Variants in HS3ST4 observed in about 807,000 individuals in gnomAD.
HS3ST4 encodes the protein heparan sulfate-glucosamine 3-sulfotransferase 4, also known as heparan sulfate glucosamine 3-O-sulfotransferase 4.
A neutral mutation model predicts 29.2 loss-of-function variants in HS3ST4; 17 were observed. The ratio of observed to expected loss-of-function variants is 0.58; its 90% CI spans 0.40 to 0.87. HS3ST4 has a LOEUF of 0.87. Among genes scored for constraint, HS3ST4 ranks in the 40% least tolerant of loss-of-function variants. The probability of loss-of-function intolerance (pLI) is 0.00; values close to 1 mark genes in which losing one functional copy is unlikely to be tolerated. For missense variants in HS3ST4, 627 were observed against 634.5 expected, an observed-to-expected ratio of 0.99 and a Z score of 0.13; for synonymous variants, 314 against 285.7, an observed-to-expected ratio of 1.10 and a Z score of -1.00.
chr16:25,720,358 G>A (rs1377049833), intron 1 of HS3ST4, among the ~76,000 whole-genome samples: 1 of 152,168 alleles, frequency 6.6e-6, no homozygotes, highest in Non-Finnish European at 1.5e-5. Context: ...TAGTAAGATG[G>A]GAGCCCTGGT....
chr16:26,088,810 C>T (rs892336268), intron 1 of HS3ST4, among the ~76,000 whole-genome samples: 1 of 152,154 alleles, frequency 6.6e-6, no homozygotes, highest in African/African-American at 2.4e-5. Context: ...TGAGGTCCTC[C>T]TGTGTTCTCT....
intron 1 of HS3ST4, among the ~76,000 whole-genome samples, chr16:25,808,724 G>A (rs569670816): frequency 1.7e-4 from 26 of 152,238 alleles, no homozygotes; most frequent in African/African-American, 6.3e-4. Flanking sequence ...TTACTGTGCT[G>A]CTGAGTCTTC....
intron 1 of HS3ST4, among the ~76,000 whole-genome samples, chr16:25,817,094 G>A (rs564671461): frequency 7.9e-5 from 12 of 152,356 alleles, no homozygotes; most frequent in Admixed American, 3.9e-4. Context: ...CAAAGCTGCA[G>A]TTTGAGTCTT....
intron 1 of HS3ST4, among the ~76,000 whole-genome samples, chr16:25,878,197 A>G (rs547746369): frequency 1.3e-5 from 2 of 152,166 alleles, no homozygotes; most frequent in Non-Finnish European, 2.9e-5. Flanking sequence ...TGTGATGAGG[A>G]CCAAATGAGA....
chr16:26,086,690 C>T (rs1036119333), intron 1 of HS3ST4, among the ~76,000 whole-genome samples: 1 of 152,202 alleles, frequency 6.6e-6, no homozygotes, highest in Non-Finnish European at 1.5e-5. Flanking sequence ...CAATGCCTAT[C>T]ACTTAATAGG....
chr16:25,848,766 G>A (rs1967490499), intron 1 of HS3ST4, among the ~76,000 whole-genome samples: 1 of 151,434 alleles, frequency 6.6e-6, no homozygotes, highest in African/African-American at 2.4e-5. Flanking sequence ...ATTTATTTCT[G>A]CTTTTATCTT....
intron 1 of HS3ST4, among the ~76,000 whole-genome samples, chr16:26,012,531 G>A (rs1264766434): frequency 6.6e-6 from 1 of 152,174 alleles, no homozygotes; most frequent in Non-Finnish European, 1.5e-5. Context: ...AAAATGTCCA[G>A]ATATATCAGC....
chr16:25,831,607 A>G (rs186156185), intron 1 of HS3ST4, among the ~76,000 whole-genome samples: 8 of 152,070 alleles, frequency 5.3e-5, no homozygotes, highest in African/African-American at 1.9e-4. Context: ...TAAAAATAAA[A>G]ATAAAGATAA....
intron 1 of HS3ST4, chr16:26,032,858 G>T: frequency 1.3e-6 from 2 of 1,551,914 alleles, no homozygotes; most frequent in Non-Finnish European, 1.7e-6. Context: ...GACGCGGGAT[G>T]CAGTGGCGCG....
intron 1 of HS3ST4, among the ~76,000 whole-genome samples, chr16:25,726,320 A>C (rs1966534380): frequency 6.6e-6 from 1 of 152,152 alleles, no homozygotes; most frequent in South Asian, 2.1e-4. Flanking sequence ...ACACACACAC[A>C]CGTACACACA....
At chr16:25,941,265 A>G (rs749874591) in intron 1 of HS3ST4, among the ~76,000 whole-genome samples, 14 of 152,240 alleles carry the variant, frequency 9.2e-5, no homozygotes, top group Non-Finnish European at 1.8e-4. Context: ...TCCCAGGTTC[A>G]AGCATTTATC....
At chr16:25,801,044 G>C (rs918688781) in intron 1 of HS3ST4, among the ~76,000 whole-genome samples, 4 of 152,110 alleles carry the variant, frequency 2.6e-5, no homozygotes, top group African/African-American at 7.2e-5. Flanking sequence ...AGATTGCTAG[G>C]TCCTATAATG....
chr16:25,863,120 A>T (rs1187302643), intron 1 of HS3ST4, among the ~76,000 whole-genome samples: 1 of 152,052 alleles, frequency 6.6e-6, no homozygotes, highest in Non-Finnish European at 1.5e-5. Flanking sequence ...TTTCTAATTG[A>T]TTTGCATATC....
chr16:25,929,061 C>T (rs1968438432), intron 1 of HS3ST4, among the ~76,000 whole-genome samples: 1 of 152,024 alleles, frequency 6.6e-6, no homozygotes, highest in Admixed American at 6.6e-5. Flanking sequence ...TGAAAGCAAC[C>T]CTGTTTGGCA....
intron 1 of HS3ST4, among the ~76,000 whole-genome samples, chr16:25,695,771 A>G (rs12149938): frequency 0.31 from 47,599 of 152,084 alleles, 7,877 homozygotes; most frequent in Non-Finnish European, 0.38. Context: ...TATTTGACTG[A>G]TTAGAGATCC....
intron 1 of HS3ST4, among the ~76,000 whole-genome samples, chr16:25,915,247 C>G (rs146144112): frequency 6.6e-6 from 1 of 152,092 alleles, no homozygotes. Context: ...AGACTCCGGG[C>G]GTGGGTTCCA....
chr16:26,109,179 A>C (rs996900400), intron 1 of HS3ST4, among the ~76,000 whole-genome samples: 54 of 152,220 alleles, frequency 3.5e-4, no homozygotes, highest in Admixed American at 3.5e-3. Flanking sequence ...CAACTGTAAA[A>C]TATTTACAGC....
intron 1 of HS3ST4, among the ~76,000 whole-genome samples, chr16:25,901,667 CTG>C (rs1968120615): frequency 7.0e-6 from 1 of 143,722 alleles, no homozygotes; most frequent in East Asian, 2.1e-4. Flanking sequence ...GAGCGAGACT[CTG>C]TGTCAGAAGA....
intron 1 of HS3ST4, among the ~76,000 whole-genome samples, chr16:25,800,116 G>T (rs1016245539): frequency 2.8e-5 from 4 of 145,364 alleles, no homozygotes; most frequent in Admixed American, 6.9e-5. Context: ...CTGCCTTCCT[G>T]CCTTCCTGCC....
Sources: gnomAD v4.1 joint callset for allele counts (sites outside exome capture counted in the v4.1 genomes callset) on GRCh38, gnomAD v4.1.1 for gene constraint, MANE v1.5 for transcripts, NCBI Gene and HGNC (gene_info 2026-07-23, HGNC 2026-07-21) for gene names.